GALNT2: variants seen among roughly 807,000 people sequenced by gnomAD.
GALNT2 encodes UDP-GalNAc:polypeptide N-acetylgalactosaminyltransferase 2.
GALNT2 carries 31 observed loss-of-function variants against 81.4 expected under a neutral mutation model. That is an observed-to-expected ratio of 0.38 (90% confidence interval 0.29 to 0.51). GALNT2 has a LOEUF of 0.51. GALNT2 is among the 20% of genes least tolerant of loss of function. The pLI is 0.87. For synonymous variants in GALNT2, 303 were observed against 287.4 expected (o/e 1.05, Z -0.55); for missense variants, 629 against 765.7 (o/e 0.82, Z 2.11).
intron 3 of GALNT2, among the ~76,000 whole-genome samples, chr1:230,213,057 G>A (rs1056719375): frequency 2.0e-5 from 3 of 152,210 alleles, no homozygotes; most frequent in African/African-American, 7.2e-5. Flanking sequence ...CACATGTGTG[G>A]CTCAGTTTCC....
intron 1 of GALNT2, among the ~76,000 whole-genome samples, chr1:230,062,009 CTA>C (rs2102733531): frequency 6.6e-6 from 1 of 152,292 alleles, no homozygotes; most frequent in South Asian, 2.1e-4. Context: ...GGATATTACG[CTA>C]TATGTGTTCA....
At chr1:230,161,842 T>G (rs1384471694) in intron 1 of GALNT2, among the ~76,000 whole-genome samples, 1 of 152,208 alleles carries the variant, frequency 6.6e-6, no homozygotes, top group Non-Finnish European at 1.5e-5. Flanking sequence ...TTATTTTACT[T>G]CTGTCTCTGG....
chr1:230,231,608 ACT>A (rs1279868282), intron 3 of GALNT2, among the ~76,000 whole-genome samples: 1 of 152,086 alleles, frequency 6.6e-6, no homozygotes, highest in Non-Finnish European at 1.5e-5. Flanking sequence ...ACCCTGAGAG[ACT>A]CTCTATACAA....
At chr1:230,084,961 C>G (rs1283992417) in intron 1 of GALNT2, among the ~76,000 whole-genome samples, 1 of 152,044 alleles carries the variant, frequency 6.6e-6, no homozygotes, top group Non-Finnish European at 1.5e-5. Flanking sequence ...TGAACAGACC[C>G]CAGCTGTATT....
intron 1 of GALNT2, among the ~76,000 whole-genome samples, chr1:230,093,096 G>A (rs1050748243): frequency 2.0e-5 from 3 of 152,284 alleles, no homozygotes; most frequent in South Asian, 2.1e-4. Context: ...TTCAGCTTAC[G>A]TCTACTGACA....
At chr1:230,211,916 G>C (rs1664245674) in intron 3 of GALNT2, among the ~76,000 whole-genome samples, 1 of 152,164 alleles carries the variant, frequency 6.6e-6, no homozygotes, top group Admixed American at 6.5e-5. Context: ...TTGCACACAG[G>C]AGTCAGGTTC....
rs1663588153 is a variant in GALNT2 at position 230,193,385 on chromosome 1, C to T, written c.221-9752C>T. ...AGCTCTTTGCCCAAGAGCATATGTC[C>T]TGATCTGCTGCTGAAGGACAGTCGC... On this transcript the variant is annotated intron_variant, in intron 2 of 15. Transcript: ENST00000366672. This position sits in a 1 kb window ranked among gnomAD's most constrained non-coding sequence, Gnocchi z 4.3. Among the ~76,000 whole-genome samples, 1 of 152,194 alleles carries T rather than the reference C, an allele frequency of 6.6e-6. No individual in the cohort carries two copies. Among genetic ancestry groups the T allele is most frequent in the African/African-American group, 2.4e-5 (1 of 41,442 alleles).
intron 3 of GALNT2, among the ~76,000 whole-genome samples, chr1:230,234,446 G>A (rs1192681036): frequency 6.6e-6 from 1 of 152,194 alleles, no homozygotes; most frequent in Non-Finnish European, 1.5e-5. Context: ...TCCGGTGCCA[G>A]TGTGTTTAAC....
At chr1:230,063,851 C>T (rs371446160), upstream of GALNT2, among the ~76,000 whole-genome samples, 3 of 152,202 alleles carry the variant, frequency 2.0e-5, no homozygotes, top group South Asian at 4.1e-4. Context: ...TCCGTTATGC[C>T]TACATTTGAA....
intron 1 of GALNT2, among the ~76,000 whole-genome samples, chr1:230,110,992 C>T (rs1660686683): frequency 6.6e-6 from 1 of 152,120 alleles, no homozygotes; most frequent in Non-Finnish European, 1.5e-5. Context: ...ACCTGACTTG[C>T]AGGAATGTGT....
At chr1:230,071,891 G>C (rs1659387090) in intron 1 of GALNT2, among the ~76,000 whole-genome samples, 1 of 152,214 alleles carries the variant, frequency 6.6e-6, no homozygotes, top group Non-Finnish European at 1.5e-5. Context: ...GAAACAGATT[G>C]TGTGACTGCT....
upstream of GALNT2, among the ~76,000 whole-genome samples, chr1:230,062,413 G>A (rs1055110338): frequency 2.6e-5 from 4 of 152,146 alleles, no homozygotes; most frequent in African/African-American, 9.7e-5. Context: ...CATTTTAAGT[G>A]TATAATTCTG....
At chr1:230,223,338 T>C (rs921214784) in intron 3 of GALNT2, among the ~76,000 whole-genome samples, 1 of 149,488 alleles carries the variant, frequency 6.7e-6, no homozygotes, top group African/African-American at 2.4e-5. Flanking sequence ...TTTTTGTATC[T>C]TACTGATTTT....
chr1:230,123,169 A>C (rs1661073181), intron 1 of GALNT2, among the ~76,000 whole-genome samples: 1 of 152,226 alleles, frequency 6.6e-6, no homozygotes, highest in African/African-American at 2.4e-5. Context: ...TATGAGCCTT[A>C]GGAGAAATTA....
chr1:230,145,625 T>C (rs1477229034), intron 1 of GALNT2, among the ~76,000 whole-genome samples: 2 of 152,250 alleles, frequency 1.3e-5, no homozygotes, highest in African/African-American at 4.8e-5. Context: ...GAGATTCTTA[T>C]CCACAGCTAG....
chr1:230,280,085 C>T lies in GALNT2; in HGVS notation c.*627C>T, dbSNP rs918944598. 4.3e-5 allele frequency: 19 copies of T among 444,140 alleles called. No homozygotes were observed. Among genetic ancestry groups the T allele is most frequent in the East Asian group, 7.1e-5 (1 of 14,178 alleles). 27.5% of individuals were successfully genotyped at this position (444,140 alleles called of 1,614,324 possible). A position where few individuals can be genotyped will look rare whatever the true frequency, so the allele number is the denominator to read the frequency against. ...TAAAGCTATATAGAGAAAGAATGTA[C>T]GGTCAGTTCCCTATGGTTTCTGTAG... is the stretch of plus-strand genomic sequence containing the variant. On this transcript the variant is annotated 3_prime_UTR_variant, in exon 16 of 16. Transcript: ENST00000366672.
At chr1:230,067,813 G>C (rs1189595543) in intron 1 of GALNT2, among the ~76,000 whole-genome samples, 2 of 152,230 alleles carry the variant, frequency 1.3e-5, no homozygotes, top group African/African-American at 4.8e-5. Flanking sequence ...CAGCAGGAGA[G>C]AGGAGTCCAA....
At chr1:230,194,759 T>A (rs1185596937) in intron 2 of GALNT2, among the ~76,000 whole-genome samples, 1 of 152,248 alleles carries the variant, frequency 6.6e-6, no homozygotes, top group Non-Finnish European at 1.5e-5. Context: ...CCTGTAGGGC[T>A]TAGCAGGATG....
intron 2 of GALNT2, among the ~76,000 whole-genome samples, chr1:230,184,046 T>G (rs1280768846): frequency 6.6e-6 from 1 of 152,182 alleles, no homozygotes; most frequent in East Asian, 1.9e-4. Flanking sequence ...TTTCTTCATG[T>G]AGATCCAGGT....
Sources: allele counts gnomAD v4.1 joint callset (sites outside exome capture counted in the v4.1 genomes callset), GRCh38; gene constraint gnomAD v4.1.1; non-coding constraint Gnocchi (gnomAD v3.1); transcripts MANE v1.5; gene names NCBI Gene and HGNC (gene_info 2026-07-23, HGNC 2026-07-21).